The following TMEM135 variants were observed in gnomAD, a reference collection of about 807,000 sequenced individuals.
TMEM135 encodes the protein peroxisomal membrane protein 52.
In TMEM135, 30 loss-of-function variants were observed where a neutral mutation model predicts 60.3. The observed-to-expected ratio is 0.50, with a 90% confidence interval of 0.37 to 0.68. The LOEUF (loss-of-function observed/expected upper bound fraction) is 0.68, where lower values mean the gene tolerates loss of function less well. Ranked by LOEUF, TMEM135 falls within the 30% of genes least tolerant of loss-of-function variation. The pLI is 0.00. For synonymous variants in TMEM135, 190 were observed against 186.7 expected (o/e 1.02, Z -0.14); for missense variants, 468 against 548.8 (o/e 0.85, Z 1.47).
chr11:87,161,137 A>G (rs141231336), intron 5 of TMEM135, among the ~76,000 whole-genome samples: 200 of 152,198 alleles, frequency 1.3e-3, no homozygotes, highest in South Asian at 2.5e-3. Flanking sequence ...TGACCTCGTG[A>G]TCTGCCCTCT....
At chr11:87,314,913 G>C (rs1942701335) in intron 12 of TMEM135, among the ~76,000 whole-genome samples, 1 of 151,668 alleles carries the variant, frequency 6.6e-6, no homozygotes, top group African/African-American at 2.4e-5. Context: ...ACTCCTTAAA[G>C]AATAAAGGCT....
intron 5 of TMEM135, among the ~76,000 whole-genome samples, chr11:87,160,487 C>T (rs1001335056): frequency 2.6e-5 from 4 of 152,122 alleles, no homozygotes; most frequent in Non-Finnish European, 5.9e-5. Context: ...GGTCAAATAG[C>T]TAGGAAATTG....
intron 5 of TMEM135, among the ~76,000 whole-genome samples, chr11:87,205,440 G>A (rs1293388353): frequency 2.6e-5 from 4 of 152,128 alleles, no homozygotes; most frequent in South Asian, 4.1e-4. Context: ...TAAGAAACCC[G>A]CTAGAAGTTG....
chr11:87,166,337 T>C (rs1162004127), intron 5 of TMEM135, among the ~76,000 whole-genome samples: 1 of 151,854 alleles, frequency 6.6e-6, no homozygotes, highest in Non-Finnish European at 1.5e-5. Context: ...TTTTGGCTTT[T>C]GTTGCCATTG....
rs147673708 is a variant in TMEM135, at chr11:87,143,597, C to G, written c.397-13744C>G. ...CTTAGTGAAAGGTGCAGCAAACACA[C>G]AGCAGCTTTGTCTTTTAGGTGTAGA... On this transcript the variant is annotated intron_variant, in intron 4 of 14. Coordinates refer to ENST00000305494, the MANE Select transcript of TMEM135 (RefSeq NM_022918.4). 9.7e-4 allele frequency among the ~76,000 whole-genome samples: 148 copies of G among 152,318 alleles called. 1 individual carries two copies. The highest frequency in any genetic ancestry group is 3.3e-3 in the African/African-American group (138 of 41,564).
chr11:87,195,026 C>T (rs1939902136), intron 5 of TMEM135, among the ~76,000 whole-genome samples: 2 of 152,002 alleles, frequency 1.3e-5, no homozygotes, highest in African/African-American at 4.8e-5. Context: ...CAAAGCATGC[C>T]TTTTATTTAA....
chr11:87,134,396 C>CCCA (rs1938030018), intron 4 of TMEM135, among the ~76,000 whole-genome samples: 10 of 152,136 alleles, frequency 6.6e-5, no homozygotes, highest in African/African-American at 2.4e-4. Context: ...AGGACTGTAA[C>CCCA]ATATATATTT....
chr11:87,255,571 A>G (rs1941509928), intron 6 of TMEM135, among the ~76,000 whole-genome samples: 1 of 152,120 alleles, frequency 6.6e-6, no homozygotes, highest in Non-Finnish European at 1.5e-5. Context: ...CCAGGAATTC[A>G]GGGCTGTAGT....
chr11:87,236,873 G>A (rs762420355), intron 6 of TMEM135, among the ~76,000 whole-genome samples, 189 bp downstream of exon 6: 1 of 151,532 alleles, frequency 6.6e-6, no homozygotes. Flanking sequence ...AGAAAGAGAG[G>A]GAAGGAAGAC....
At chr11:87,046,906 C>T (rs1949801237) in intron 1 of TMEM135, among the ~76,000 whole-genome samples, 1 of 152,178 alleles carries the variant, frequency 6.6e-6, no homozygotes, top group Non-Finnish European at 1.5e-5. Flanking sequence ...AGTCCTGCCA[C>T]TTACTGGCAT....
intron 6 of TMEM135, among the ~76,000 whole-genome samples, chr11:87,281,375 C>T: frequency 6.6e-6 from 1 of 152,082 alleles, no homozygotes; most frequent in East Asian, 1.9e-4. Context: ...GCACTGGGGA[C>T]ACATGCAGAC....
rs1382665297 is a variant in TMEM135 at position 87,324,974 on chromosome 11, TGTGATGA to T, written c.*3644_*3650del. ...ATTTTCTTTAGGGCTGCACTTTGAATGTGATGAGTAATAAGGTTACCTTCATTGTGGA... is the reference window on the plus strand; with the variant it reads ...ATTTTCTTTAGGGCTGCACTTTGAATGTAATAAGGTTACCTTCATTGTGGA... On this transcript the variant is annotated 3_prime_UTR_variant, in exon 15 of 15. Transcript: ENST00000305494. 1 of 453,924 alleles carries T rather than the reference TGTGATGA, an allele frequency of 2.2e-6. No homozygotes were observed. The highest frequency in any genetic ancestry group is 2.0e-5 in the African/African-American group (1 of 49,982). The allele number at this position is 453,924 out of a possible 1,614,324, so 28.1% of individuals were successfully genotyped here.
chr11:87,223,966 G>C (rs1005796189), intron 5 of TMEM135, among the ~76,000 whole-genome samples: 8 of 152,140 alleles, frequency 5.3e-5, no homozygotes, highest in Non-Finnish European at 1.0e-4. Flanking sequence ...AGCTGGATAG[G>C]TCCAAACCAA....
At chr11:87,262,091 TATAA>T (rs1345088935) in intron 6 of TMEM135, among the ~76,000 whole-genome samples, 1 of 152,124 alleles carries the variant, frequency 6.6e-6, no homozygotes, top group African/African-American at 2.4e-5. Context: ...AAAAAAAATC[TATAA>T]ATAAGTATTT....
chr11:87,159,858 G>T (rs1938820083), intron 5 of TMEM135, among the ~76,000 whole-genome samples: 1 of 152,108 alleles, frequency 6.6e-6, no homozygotes, highest in Non-Finnish European at 1.5e-5. Flanking sequence ...TAGATAATCT[G>T]TTTGAGAGTA....
At chr11:87,258,550 G>A (rs1037844078) in intron 6 of TMEM135, among the ~76,000 whole-genome samples, 2 of 152,318 alleles carry the variant, frequency 1.3e-5, no homozygotes, top group Admixed American at 6.5e-5. Context: ...CCCCACAGGA[G>A]AAAGTGAGAT....
At chr11:87,216,480 A>G (rs920176372) in intron 5 of TMEM135, among the ~76,000 whole-genome samples, 5 of 152,144 alleles carry the variant, frequency 3.3e-5, no homozygotes, top group Non-Finnish European at 5.9e-5. Flanking sequence ...AGAGTTTTGC[A>G]GAGCCTACCA....
intron 1 of TMEM135, among the ~76,000 whole-genome samples, chr11:87,039,934 G>T (rs1169400727): frequency 6.6e-6 from 1 of 152,148 alleles, no homozygotes. Flanking sequence ...AGAAACATAG[G>T]TTCTCCTACT....
intron 5 of TMEM135, among the ~76,000 whole-genome samples, chr11:87,179,094 A>T (rs1030189097): frequency 6.6e-6 from 1 of 152,088 alleles, no homozygotes; most frequent in African/African-American, 2.4e-5. Flanking sequence ...GGTAATTTTT[A>T]TGGTAATTTT....
Sources: allele counts gnomAD v4.1 joint callset (sites outside exome capture counted in the v4.1 genomes callset), GRCh38; gene constraint gnomAD v4.1.1; transcripts MANE v1.5; gene names NCBI Gene and HGNC (gene_info 2026-07-23, HGNC 2026-07-21).